Variants in TAFA1 observed in about 807,000 individuals in gnomAD.
TAFA1 encodes the protein TAFA chemokine like family member 1, also known as chemokine-like protein TAFA-1.
A neutral mutation model predicts 18.5 loss-of-function variants in TAFA1; 4 were observed. That is an observed-to-expected ratio of 0.22 (90% CI 0.11 to 0.49). The LOEUF (loss-of-function observed/expected upper bound fraction) is 0.49, where lower values mean the gene tolerates loss of function less well. TAFA1 is among the 20% of genes least tolerant of loss of function. The probability of loss-of-function intolerance (pLI) is 0.98; values close to 1 mark genes in which losing one functional copy is unlikely to be tolerated. For missense variants in TAFA1, 147 were observed against 169.0 expected, an observed-to-expected ratio of 0.87 and a Z score of 0.72; for synonymous variants, 56 against 55.2, an observed-to-expected ratio of 1.01 and a Z score of -0.06.
chr3:68,506,110 A>T (rs192027824), intron 3 of TAFA1, among the ~76,000 whole-genome samples: 14 of 151,102 alleles, frequency 9.3e-5, no homozygotes, highest in African/African-American at 3.4e-4. Context: ...TCATTTTTCA[A>T]CTCCCATTTA....
intron 2 of TAFA1, among the ~76,000 whole-genome samples, chr3:68,218,473 G>A (rs898496391): frequency 6.6e-6 from 1 of 152,002 alleles, no homozygotes; most frequent in Non-Finnish European, 1.5e-5. Context: ...GGAATGAGTC[G>A]ATGGGGCGTC....
Position 68,331,261 on chromosome 3 carries a change from T to C in TAFA1, c.119-86019T>C, listed in dbSNP as rs149747444. 5.0e-3 allele frequency among the ~76,000 whole-genome samples: 754 copies of C among 152,234 alleles called. 10 individuals carry two copies. Among genetic ancestry groups the C allele is most frequent in the Middle Eastern group, 0.014 (4 of 292 alleles). On this transcript the variant is annotated intron_variant, in intron 2 of 4. Transcript: ENST00000478136. ...CAAATCTATTGAAGCAGGAAGTAAA[T>C]AAATGGTTGCTAGGGTTATGGGGAG... is the stretch of plus-strand genomic sequence containing the variant.
chr3:68,214,213 T>G (rs916519085), intron 2 of TAFA1, among the ~76,000 whole-genome samples: 1 of 152,130 alleles, frequency 6.6e-6, no homozygotes, highest in African/African-American at 2.4e-5. Context: ...ATGCTTTGTC[T>G]GTCCTTTTCA....
At chr3:68,224,896 CTTTTTTTTTTTTTT>C (rs71112624) in intron 2 of TAFA1, among the ~76,000 whole-genome samples, 3 of 46,340 alleles carry the variant, frequency 6.5e-5, no homozygotes, top group East Asian at 8.7e-4. Context: ...GCTTGTGGCA[CTTTTTTTTTTTTTT>C]TTTTTTTTTT....
chr3:67,995,866 C>T, the TAFA1 span, among the ~76,000 whole-genome samples: 1,038 of 152,334 alleles, frequency 6.8e-3, 15 homozygotes, highest in African/African-American at 0.024. Flanking sequence ...CCACTGCCAA[C>T]GGCTTGCTTA....
At chr3:68,041,120 C>T (rs1211082987) in intron 2 of TAFA1, among the ~76,000 whole-genome samples, 1 of 152,186 alleles carries the variant, frequency 6.6e-6, no homozygotes, top group African/African-American at 2.4e-5. Context: ...ATTATAAAGG[C>T]ATGTGCCTTG....
At chr3:68,183,733 G>C (rs1367909723) in intron 2 of TAFA1, among the ~76,000 whole-genome samples, 1 of 152,094 alleles carries the variant, frequency 6.6e-6, no homozygotes, top group Admixed American at 6.6e-5. Context: ...GGTAATACAA[G>C]GGATTGTGAT....
chr3:68,412,489 T>C (rs1019188050), intron 2 of TAFA1, among the ~76,000 whole-genome samples: 5 of 152,136 alleles, frequency 3.3e-5, no homozygotes, highest in African/African-American at 1.2e-4. Context: ...AGCTCGTCAT[T>C]TACATTAGGT....
At chr3:68,238,439 G>GGAAGAA (rs2066956934) in intron 2 of TAFA1, among the ~76,000 whole-genome samples, 1 of 152,106 alleles carries the variant, frequency 6.6e-6, no homozygotes, top group African/African-American at 2.4e-5. Context: ...TGTAAGATCT[G>GGAAGAA]GAAGAAGCAG....
At chr3:68,135,376 T>C (rs141931287) in intron 2 of TAFA1, among the ~76,000 whole-genome samples, 6 of 152,298 alleles carry the variant, frequency 3.9e-5, no homozygotes, top group African/African-American at 1.4e-4. Flanking sequence ...GACTCAGTGG[T>C]AGGGCAGGCA....
At chr3:68,440,531 C>G (rs567759513) in intron 3 of TAFA1, among the ~76,000 whole-genome samples, 1 of 152,264 alleles carries the variant, frequency 6.6e-6, no homozygotes, top group African/African-American at 2.4e-5. Context: ...TGCAACTGGT[C>G]ACGTGGTCAT....
At chr3:68,465,355 A>T (rs1055389309) in intron 3 of TAFA1, among the ~76,000 whole-genome samples, 16 of 152,134 alleles carry the variant, frequency 1.1e-4, no homozygotes, top group African/African-American at 3.1e-4. Context: ...GAGCATCAAA[A>T]CTATATAACC....
chr3:68,345,286 C>T (rs1252975438), intron 2 of TAFA1, among the ~76,000 whole-genome samples: 1 of 152,164 alleles, frequency 6.6e-6, no homozygotes, highest in Non-Finnish European at 1.5e-5. Flanking sequence ...AGATCTAATC[C>T]TTACCTCGTT....
At chr3:68,390,550 C>T (rs1050342994) in intron 2 of TAFA1, among the ~76,000 whole-genome samples, 3 of 152,190 alleles carry the variant, frequency 2.0e-5, no homozygotes, top group Non-Finnish European at 4.4e-5. Flanking sequence ...ACCCCCATGC[C>T]TTCTGATGGG....
intron 2 of TAFA1, chr3:68,145,666 A>T: frequency 1.0e-6 from 1 of 954,694 alleles, no homozygotes; most frequent in Non-Finnish European, 1.7e-6. Flanking sequence ...TCATCTTCAG[A>T]ATCCTGTATA....
At chr3:68,179,146 T>G (rs1056895300) in intron 2 of TAFA1, among the ~76,000 whole-genome samples, 35 of 152,328 alleles carry the variant, frequency 2.3e-4, no homozygotes, top group African/African-American at 8.2e-4. Context: ...TCATTCATAA[T>G]TTCATTAGGC....
chr3:68,226,004 A>G (rs942782072), intron 2 of TAFA1, among the ~76,000 whole-genome samples: 1 of 152,226 alleles, frequency 6.6e-6, no homozygotes, highest in Non-Finnish European at 1.5e-5. Context: ...GTCATATTTC[A>G]CAAAACAGAA....
intron 2 of TAFA1, among the ~76,000 whole-genome samples, chr3:68,316,168 G>C (rs1185622628): frequency 6.6e-6 from 1 of 152,186 alleles, no homozygotes; most frequent in South Asian, 2.1e-4. Context: ...ATAACTGTAC[G>C]AATGCACATA....
At chr3:68,088,836 A>G (rs73834823) in intron 2 of TAFA1, among the ~76,000 whole-genome samples, 3,477 of 152,326 alleles carry the variant, frequency 0.023, 51 homozygotes, top group Middle Eastern at 0.037. Flanking sequence ...ATTACTGTTG[A>G]CAAGGTGAGA....
Sources: gnomAD v4.1 joint callset for allele counts (sites outside exome capture counted in the v4.1 genomes callset) on GRCh38, gnomAD v4.1.1 for gene constraint, MANE v1.5 for transcripts, NCBI Gene and HGNC (gene_info 2026-07-23, HGNC 2026-07-21) for gene names.